NBEAL1: variants seen among roughly 807,000 people sequenced by gnomAD.
NBEAL1 encodes the protein neurobeachin like 1, also known as neurobeachin-like protein 1.
In NBEAL1, 273 loss-of-function variants were observed where a neutral mutation model predicts 351.3. The ratio of observed to expected loss-of-function variants is 0.78; its 90% CI spans 0.70 to 0.86. The LOEUF (loss-of-function observed/expected upper bound fraction) is 0.86. Ranked by LOEUF, NBEAL1 falls within the 40% of genes least tolerant of loss-of-function variation. The probability of loss-of-function intolerance (pLI) is 0.00; values close to 1 mark genes in which losing one functional copy is unlikely to be tolerated. For missense variants in NBEAL1, 2,961 were observed against 3,201.3 expected (o/e 0.92, Z 1.81); for synonymous variants, 1,050 against 1,086.4 (o/e 0.97, Z 0.66).
chr2:203,206,629 C>A (rs558214610), intron 51 of NBEAL1, among the ~76,000 whole-genome samples: 1 of 151,736 alleles, frequency 6.6e-6, no homozygotes, highest in Admixed American at 6.6e-5. Flanking sequence ...CTGTGTTGGC[C>A]GGGCTGGTCT....
At chr2:203,114,763 G>GT (rs1396575085) in intron 17 of NBEAL1, among the ~76,000 whole-genome samples, 4 of 151,264 alleles carry the variant, frequency 2.6e-5, no homozygotes, top group African/African-American at 4.9e-5. Context: ...TTGTTTGTTT[G>GT]TTTTTTTGAG....
chr2:203,126,468 GT>G, intron 21 of NBEAL1, 88 bp from the exon 22 acceptor site: 1 of 1,028,842 alleles, frequency 9.7e-7, no homozygotes, highest in African/African-American at 1.7e-5. Flanking sequence ...TTTATACTTA[GT>G]AGATGTTCTG....
chr2:203,142,230 A>C (rs2063400884), intron 31 of NBEAL1, among the ~76,000 whole-genome samples: 1 of 152,146 alleles, frequency 6.6e-6, no homozygotes, highest in African/African-American at 2.4e-5. Flanking sequence ...ATCTCGGCTC[A>C]CTGCAACCTC....
At chr2:203,115,932 C>G (rs942488432) in intron 17 of NBEAL1, 53 bp from the exon 18 acceptor site, 2 of 1,198,774 alleles carry the variant, frequency 1.7e-6, no homozygotes, top group South Asian at 1.3e-5. Context: ...AACACAGAAC[C>G]AAGGAGACCA....
In NBEAL1 at chr2:203,172,801, T is replaced by A. The variant is rs776339243; in HGVS notation, c.6271T>A (p.Ser2091Thr). 1 of 1,612,442 alleles carries A rather than the reference T, an allele frequency of 6.2e-7. No homozygotes were observed. The part of the protein sequence containing the change: ...LNNPAVFRDL[S>T]KPIGVVNEKN... ...TAACCCTGCTGTATTTCGAGATCTT[T>A]CCAAACCAATTGGGGTAGTTAATGA... The change falls in exon 41 of 56, where the codon TCC (serine) becomes ACC (threonine). Residue 2091 changes from serine (S) to threonine (T), a missense_variant. Transcript: ENST00000683969.
At chr2:203,190,751 G>A (rs1200830662) in intron 46 of NBEAL1, 17 of 1,607,866 alleles carry the variant, frequency 1.1e-5, no homozygotes, top group African/African-American at 5.4e-5. Context: ...TCCCGAATCC[G>A]GGTTCATCCA....
chr2:203,116,696 G>A (rs1389040910), intron 18 of NBEAL1, among the ~76,000 whole-genome samples: 8 of 151,280 alleles, frequency 5.3e-5, no homozygotes, highest in South Asian at 4.2e-4. Flanking sequence ...AGGCAAAGGC[G>A]GGAAGATCCC....
intron 40 of NBEAL1, 112 bp from the exon 41 acceptor site, chr2:203,172,617 A>G: frequency 4.4e-6 from 4 of 919,186 alleles, no homozygotes; most frequent in South Asian, 2.6e-5. Flanking sequence ...CAGGGAAAAA[A>G]TATTTTTAGA....
chr2:203,125,873 G>A, intron 20 of NBEAL1, 87 bp from the exon 21 acceptor site: 2 of 1,122,524 alleles, frequency 1.8e-6, no homozygotes, highest in South Asian at 1.9e-5. Context: ...TTTCTACTTT[G>A]TGTAACAGTG....
In NBEAL1 at chr2:203,107,779, G is replaced by A; in HGVS notation, c.1540G>A (p.Val514Ile). The A allele has an allele frequency of 1.9e-6, 3 of 1,554,422 alleles. No individual in the cohort carries two copies. The highest frequency in any genetic ancestry group is 8.7e-7 in the Non-Finnish European group (1 of 1,147,772). ...TAATAGACAGAGTCGAACTACTTGT[G>A]TCAATGCAAACATGGGGATTAGAAT... ...CINRQSRTTCVNANMGIRIIE... is the reference protein window; with the variant it reads ...CINRQSRTTCINANMGIRIIE... Residue 514 changes from valine to isoleucine, a missense_variant, in exon 14 of 56, where the codon GTC becomes ATC. Val to Ile is a conservative substitution (Grantham distance 29). Coordinates refer to ENST00000683969, the MANE Select transcript of NBEAL1 (RefSeq NM_001378026.1).
rs552836321 is a variant in NBEAL1 at position 203,221,913 on chromosome 2, GCATGGTGGCT to G, written c.*4564_*4573del. ...CTTCTTTAGTTTAAATCTAGGCCAA[GCATGGTGGCT>G]CATGCCTATAATCTCAGCACTTTAG... On this transcript the variant is annotated 3_prime_UTR_variant, in exon 56 of 56. Transcript: ENST00000683969. 2.6e-5 allele frequency among the ~76,000 whole-genome samples: 4 copies of G among 152,158 alleles called. No homozygotes were observed. Among genetic ancestry groups the G allele is most frequent in the Non-Finnish European group, 5.9e-5 (4 of 68,022 alleles).
At chr2:203,141,213 C>T (rs1335782634) in intron 31 of NBEAL1, among the ~76,000 whole-genome samples, 1 of 102,660 alleles carries the variant, frequency 9.7e-6, no homozygotes, top group African/African-American at 3.4e-5. Flanking sequence ...AGTTTACCCT[C>T]AGTGTTTTTT....
chr2:203,197,396 G>A lies in NBEAL1; in HGVS notation c.7128+5G>A, dbSNP rs764977324. 1 of 1,562,914 alleles carries A rather than the reference G, an allele frequency of 6.4e-7. No individual in the cohort carries two copies. Among genetic ancestry groups the A allele is most frequent in the South Asian group, 1.1e-5 (1 of 89,746 alleles). On this transcript the variant is annotated splice_donor_5th_base_variant and intron_variant, in intron 48 of 55. Coordinates refer to ENST00000683969, the MANE Select transcript of NBEAL1 (RefSeq NM_001378026.1). ...CAAGGCAGCCCTGAGTTACTGGTAA[G>A]TTGATTTTTACCTTTTTCACACTGC...
intron 7 of NBEAL1, among the ~76,000 whole-genome samples, chr2:203,074,321 T>C (rs1322626145): frequency 2.2e-3 from 75 of 34,684 alleles, no homozygotes; most frequent in African/African-American, 5.0e-3. Flanking sequence ...TTTCTTCTTT[T>C]TTTTTTTTTT....
At chr2:203,020,695 C>T (rs2060756344) in intron 2 of NBEAL1, among the ~76,000 whole-genome samples, 1 of 151,524 alleles carries the variant, frequency 6.6e-6, no homozygotes, top group Admixed American at 6.6e-5. Flanking sequence ...AAAGAAAAAC[C>T]CCAAATTATA....
rs1227156239 is a variant in NBEAL1, at chr2:203,107,814, C to G, written c.1575C>G (p.Thr525=). The change falls in exon 14 of 56, where the codon ACC becomes ACG. Residue 525 remains threonine, a synonymous_variant. Transcript: ENST00000683969. ...ACATGGGGATTAGAATCATTGAAAC[C>G]CTTGACTTGCATTCTTCCCTCCATC... ...NANMGIRIIE[T]LDLHSSLHQT... 2 of 1,554,416 alleles carry G rather than the reference C, an allele frequency of 1.3e-6. No individual in the cohort carries two copies. The highest frequency in any genetic ancestry group is 1.7e-6 in the Non-Finnish European group (2 of 1,147,768).
At chr2:203,046,573 AT>A (rs1315859981) in intron 3 of NBEAL1, among the ~76,000 whole-genome samples, 4 of 152,046 alleles carry the variant, frequency 2.6e-5, no homozygotes, top group African/African-American at 9.7e-5. Flanking sequence ...GAAGTCTAAG[AT>A]TAAGACACCA....
chr2:203,021,257 C>T (rs1321070810), intron 2 of NBEAL1, among the ~76,000 whole-genome samples: 1 of 150,814 alleles, frequency 6.6e-6, no homozygotes, highest in Non-Finnish European at 1.5e-5. Flanking sequence ...GCTGGGATTA[C>T]AGGCGTGAGC....
intron 33 of NBEAL1, among the ~76,000 whole-genome samples, chr2:203,145,475 G>T (rs117804973): frequency 6.6e-6 from 1 of 152,054 alleles, no homozygotes; most frequent in Non-Finnish European, 1.5e-5. Flanking sequence ...AAAGAAAAAG[G>T]CATCAAATTT....
Sources: allele counts gnomAD v4.1 joint callset (sites outside exome capture counted in the v4.1 genomes callset), GRCh38; gene constraint gnomAD v4.1.1; transcripts MANE v1.5; gene names NCBI Gene and HGNC (gene_info 2026-07-23, HGNC 2026-07-21).